The following CRAT variants were observed in gnomAD, a reference collection of about 807,000 sequenced individuals.
The protein encoded by CRAT is carnitine O-acetyltransferase, also known as carnitine acetylase.
Under a neutral mutation model 73.7 loss-of-function variants are expected in CRAT, and 66 were observed. That is an observed-to-expected ratio of 0.90 (90% CI 0.73 to 1.10). CRAT has a LOEUF of 1.10. Among genes scored for constraint, CRAT ranks in the 50% least tolerant of loss-of-function variants. The pLI is 0.00. For missense variants in CRAT, 745 were observed against 846.9 expected, an observed-to-expected ratio of 0.88 and a Z score of 1.49; for synonymous variants, 321 against 343.2, an observed-to-expected ratio of 0.94 and a Z score of 0.71.
chr9:129,104,339 T>A, intron 2 of CRAT, 33 bp from the exon 3 acceptor site: 1 of 1,558,532 alleles, frequency 6.4e-7, no homozygotes, highest in Non-Finnish European at 8.8e-7. Flanking sequence ...TCAGGAGGGG[T>A]GCATGGGCCC....
Position 129,100,437 on chromosome 9 carries a change from C to G in CRAT, c.984+74G>C, listed in dbSNP as rs377072166. ...GAGGCTGGGGACGCAGGGCCGGGGA[C>G]GGGCAGGAAGTCCCGAGGCTGCAGA... On this transcript the variant is annotated intron_variant, in intron 7 of 13. Transcript: ENST00000318080. 14,344 of 1,495,184 alleles carry G rather than the reference C, an allele frequency of 9.6e-3. 998 individuals carry two copies. The African/African-American group carries it at 0.16, about 17-fold the overall frequency. The allele number at this position is 1,495,184 out of a possible 1,614,324, so 92.6% of individuals were successfully genotyped here.
intron 6 of CRAT, among the ~76,000 whole-genome samples, chr9:129,101,429 A>G (rs1377363766): frequency 6.6e-6 from 1 of 152,242 alleles, no homozygotes; most frequent in Non-Finnish European, 1.5e-5. Context: ...CCGCTCTCCT[A>G]TCTGTAAACA....
At chr9:129,100,873 G>C (rs1289880614) in intron 6 of CRAT, among the ~76,000 whole-genome samples, 184 bp from the exon 7 acceptor site, 1 of 152,212 alleles carries the variant, frequency 6.6e-6, no homozygotes, top group African/African-American at 2.4e-5. Context: ...TGGGTTCAGA[G>C]CTTCGAACTC....
In CRAT at chr9:129,096,067, C is replaced by T. The variant is rs778494812; in HGVS notation, c.1596G>A (p.Val532=). The T allele has an allele frequency of 1.2e-6, 2 of 1,614,036 alleles. No individual in the cohort carries two copies. The highest frequency in any genetic ancestry group is 3.3e-5 in the Admixed American group (2 of 60,030). The part of the protein sequence containing the change: ...GLKLQAIEDL[V]SMPDIFMDTS... Reference sequence around the variant, plus strand: ...TGTCCATGAAGATGTCGGGCATGCTCACCAGGTCCTCGATGGCCTGCAGCT... The same window carrying T: ...TGTCCATGAAGATGTCGGGCATGCTTACCAGGTCCTCGATGGCCTGCAGCT... The change falls in exon 13 of 14, where the codon GTG becomes GTA. Residue 532 remains valine, a synonymous_variant. Coordinates refer to ENST00000318080, the MANE Select transcript of CRAT (RefSeq NM_000755.5).
At position 129,097,622 on chromosome 9, in the gene CRAT, T is replaced by A. The variant is rs113405402; in HGVS notation, c.1465-310A>T. ...TACTTGGGAGGCTGAGGCAGGAGGA[T>A]TGCTTGAACCCGGGAGGTGGAGGTT... On this transcript the variant is annotated intron_variant, in intron 11 of 13. Coordinates refer to ENST00000318080, the MANE Select transcript of CRAT (RefSeq NM_000755.5). 6.1e-3 allele frequency among the ~76,000 whole-genome samples: 931 copies of A among 151,870 alleles called. 8 individuals are homozygous for A. The highest frequency in any genetic ancestry group is 6.8e-3 in the Middle Eastern group (2 of 292).
In CRAT at chr9:129,107,180, C is replaced by T. The variant is rs772908461; in HGVS notation, c.291+634G>A. ...TCCCCAGTATCTGGGATTACAGGTGCGTGCCACTACGCCTGGCTAATTTTT... is the reference window on the plus strand; with the variant it reads ...TCCCCAGTATCTGGGATTACAGGTGTGTGCCACTACGCCTGGCTAATTTTT... On this transcript the variant is annotated intron_variant, in intron 2 of 13. Coordinates refer to ENST00000318080, the MANE Select transcript of CRAT (RefSeq NM_000755.5). This position sits in a 1 kb window ranked among gnomAD's most constrained non-coding sequence, Gnocchi z 5.0. 9.9e-5 allele frequency among the ~76,000 whole-genome samples: 15 copies of T among 152,120 alleles called. No individual in the cohort carries two copies. The highest frequency in any genetic ancestry group is 2.9e-4 in the African/African-American group (12 of 41,420).
chr9:129,097,864 G>T, intron 11 of CRAT, 149 bp downstream of exon 11: 2 of 1,172,054 alleles, frequency 1.7e-6, no homozygotes, highest in Non-Finnish European at 2.4e-6. Flanking sequence ...GAAGCTCAGA[G>T]CTAGATTCAC....
chr9:129,105,217 T>C (rs1847945310), intron 2 of CRAT, among the ~76,000 whole-genome samples: 1 of 151,846 alleles, frequency 6.6e-6, no homozygotes, highest in African/African-American at 2.4e-5. Flanking sequence ...GTGAACAAAT[T>C]CTCATCTTAC....
Position 129,110,718 on chromosome 9 carries a change from C to T in CRAT, c.-209G>A. The T allele has an allele frequency of 1.6e-6, 1 of 635,214 alleles. No individual in the cohort carries two copies. Among genetic ancestry groups the T allele is most frequent in the South Asian group, 2.3e-5 (1 of 43,090 alleles). The allele number at this position is 635,214 out of a possible 1,614,324, so 39.3% of individuals were successfully genotyped here. A position where few individuals can be genotyped will look rare whatever the true frequency, so the allele number is the denominator to read the frequency against. On this transcript the variant is annotated 5_prime_UTR_variant, in exon 1 of 14. Coordinates refer to ENST00000318080, the MANE Select transcript of CRAT (RefSeq NM_000755.5). The surrounding 1 kb of genome is among the most constrained non-coding windows in gnomAD (Gnocchi z 5.3). ...GGGAAGGCACCCGGGGAGGAGGACT[C>T]GCGAGGCGGGGCCTGGGCCGGTAGC...
rs1214614344 is a variant in CRAT, at chr9:129,106,440, C to T, written c.291+1374G>A. 2.0e-5 allele frequency among the ~76,000 whole-genome samples: 3 copies of T among 152,084 alleles called. No homozygotes were observed. On this transcript the variant is annotated intron_variant, in intron 2 of 13. Transcript: ENST00000318080. This position sits in a 1 kb window ranked among gnomAD's most constrained non-coding sequence, Gnocchi z 4.0. Reference sequence around the variant, plus strand: ...CAAAGCTTGGGAGACCAGAGGAGACCCCGCAGGTATGGGTACTCCCCCAGC... The same window carrying T: ...CAAAGCTTGGGAGACCAGAGGAGACTCCGCAGGTATGGGTACTCCCCCAGC...
At position 129,100,614 on chromosome 9, in the gene CRAT, C is replaced by G; in HGVS notation, c.881G>C (p.Arg294Thr). 6.2e-7 allele frequency: 1 copy of G among 1,614,104 alleles called. No homozygotes were observed. The highest frequency in any genetic ancestry group is 1.1e-5 in the South Asian group (1 of 91,086). ...GCTGCGGTACACGTCTTCTGAGACC[C>G]TGGGCATGGTTGCATCTAGGCACAC... ...FTVCLDATMP[R>T]VSEDVYRSHV... Residue 294 changes from arginine (R) to threonine (T), a missense_variant, in exon 7 of 14, where the codon AGG (arginine) becomes ACG (threonine). Transcript: ENST00000318080.
chr9:129,100,266 C>G (rs1418315657), intron 7 of CRAT: 1 of 590,134 alleles, frequency 1.7e-6, no homozygotes, highest in Non-Finnish European at 3.0e-6. Context: ...GACCCCGGAT[C>G]CCAGGTTCTC....
intron 2 of CRAT, among the ~76,000 whole-genome samples, 170 bp from the exon 3 acceptor site, chr9:129,104,476 A>C (rs1448698542): frequency 6.7e-6 from 1 of 148,928 alleles, no homozygotes; most frequent in Non-Finnish European, 1.5e-5. Context: ...ACTTAAACCC[A>C]CCAGCCTCTT....
intron 6 of CRAT, 116 bp downstream of exon 6, chr9:129,101,767 C>A: frequency 7.7e-7 from 1 of 1,291,952 alleles, no homozygotes; most frequent in Admixed American, 2.4e-5. Flanking sequence ...TAACCTGTCT[C>A]TTCTCATTCC....
intron 5 of CRAT, 35 bp from the exon 6 acceptor site, chr9:129,102,092 G>A (rs772485915): frequency 6.2e-7 from 1 of 1,602,908 alleles, no homozygotes; most frequent in Non-Finnish European, 8.5e-7. Context: ...GGAGGGAGCT[G>A]AGTGGGGACC....
At position 129,095,467 on chromosome 9, in the gene CRAT, G is replaced by A. The variant is rs779910980; in HGVS notation, c.1811C>T (p.Ala604Val). 106 of 1,613,330 alleles carry A rather than the reference G, an allele frequency of 6.6e-5. No individual in the cohort carries two copies. The highest frequency in any genetic ancestry group is 4.9e-4 in the Middle Eastern group (3 of 6,082). The stretch of plus-strand genomic sequence containing the variant: ...CAGGAGCGCCTTCTCCAGGTAATGC[G>A]CCAGGCGGGCGGCGTTGGTCTCCGC... ...SCAETNAARLAHYLEKALLDM... is the reference protein window; with the variant it reads ...SCAETNAARLVHYLEKALLDM... The change falls in exon 14 of 14, where the codon GCG becomes GTG. Residue 604 changes from alanine (A) to valine (V), a missense_variant. Physicochemically the swap from Ala to Val is moderately conservative, Grantham distance 64 (BLOSUM62 0). Transcript: ENST00000318080.
Position 129,107,417 on chromosome 9 carries a change from G to A in CRAT, c.291+397C>T. 1 of 584,776 alleles carries A rather than the reference G, an allele frequency of 1.7e-6. No individual in the cohort carries two copies. Among genetic ancestry groups the A allele is most frequent in the Non-Finnish European group, 3.0e-6 (1 of 327,968 alleles). 36.2% of individuals were successfully genotyped at this position (584,776 alleles called of 1,614,324 possible). A position where few individuals can be genotyped will look rare whatever the true frequency, so the allele number is the denominator to read the frequency against. On this transcript the variant is annotated intron_variant, in intron 2 of 13. Coordinates refer to ENST00000318080, the MANE Select transcript of CRAT (RefSeq NM_000755.5). This position sits in a 1 kb window ranked among gnomAD's most constrained non-coding sequence, Gnocchi z 5.0. ...TGGTGTAGACATATTTGCCAAACTG[G>A]GTACACCTGTGTCATAGATCAGATA... is the stretch of plus-strand genomic sequence containing the variant.
intron 12 of CRAT, among the ~76,000 whole-genome samples, chr9:129,096,807 G>A (rs1336980076): frequency 6.6e-6 from 1 of 152,196 alleles, no homozygotes; most frequent in Non-Finnish European, 1.5e-5. Flanking sequence ...GGTGGCTCAC[G>A]CCTATAATCC....
Position 129,098,519 on chromosome 9 carries a change from G to T in CRAT, c.1205+12C>A. On this transcript the variant is annotated intron_variant, in intron 9 of 13. Coordinates refer to ENST00000318080, the MANE Select transcript of CRAT (RefSeq NM_000755.5). ...CCCATCCAGCACAGGGATGGCGGGG[G>T]CAGGCACTTACATGCTGAGGTTCTG... 6.2e-7 allele frequency: 1 copy of T among 1,604,552 alleles called. No individual in the cohort carries two copies.
Sources: allele counts gnomAD v4.1 joint callset (sites outside exome capture counted in the v4.1 genomes callset), GRCh38; gene constraint gnomAD v4.1.1; non-coding constraint Gnocchi (gnomAD v3.1); transcripts MANE v1.5; gene names NCBI Gene and HGNC (gene_info 2026-07-23, HGNC 2026-07-21).